The following ATXN7L2 variants were observed in gnomAD, a reference collection of about 807,000 sequenced individuals.
The protein encoded by ATXN7L2 is ataxin 7 like 2, also known as ataxin-7-like protein 2.
A neutral mutation model predicts 59.6 loss-of-function variants in ATXN7L2; 17 were observed. The ratio of observed to expected loss-of-function variants is 0.29; its 90% confidence interval spans 0.20 to 0.43. ATXN7L2 has a LOEUF of 0.43. ATXN7L2 is among the 20% of genes least tolerant of loss of function. The pLI is 1.00. For missense variants in ATXN7L2, 858 were observed against 1,008.9 expected (o/e 0.85, Z 2.03); for synonymous variants, 378 against 392.5 (o/e 0.96, Z 0.44).
chr1:109,484,141 G>A (rs1263308421), intron 1 of ATXN7L2, 61 bp downstream of exon 1: 3 of 1,307,514 alleles, frequency 2.3e-6, no homozygotes, highest in Non-Finnish European at 2.9e-6. Context: ...CCCCTTCCGG[G>A]CCCCCGCCAG....
chr1:109,490,379 A>G lies in ATXN7L2; in HGVS notation c.1441A>G (p.Thr481Ala). 6.2e-7 allele frequency: 1 copy of G among 1,613,328 alleles called. No homozygotes were observed. Among genetic ancestry groups the G allele is most frequent in the South Asian group, 1.1e-5 (1 of 91,088 alleles). ...LSSMLERHLSTHMWKKIPPAA... is the reference protein window; with the variant it reads ...LSSMLERHLSAHMWKKIPPAA... Reference sequence around the variant, plus strand: ...CTCCATGCTGGAACGGCACCTCAGCACACACATGTGGAAGTAAGTCTCTCG... The same window carrying G: ...CTCCATGCTGGAACGGCACCTCAGCGCACACATGTGGAAGTAAGTCTCTCG... Residue 481 changes from threonine to alanine, a missense_variant, in exon 9 of 11, where the codon ACA becomes GCA. This residue lies in a region of ATXN7L2 where 734 missense variants were observed against 862.3 expected (regional missense o/e 0.85). Coordinates refer to ENST00000683729, the MANE Select transcript of ATXN7L2 (RefSeq NM_001350175.2).
At chr1:109,490,814 G>A (rs1656990253) in intron 9 of ATXN7L2, 108 bp from the exon 10 acceptor site, 6 of 1,272,234 alleles carry the variant, frequency 4.7e-6, no homozygotes, top group Non-Finnish European at 1.1e-6. Flanking sequence ...CAACTCTGGG[G>A]CTCTGCTGAC....
intron 1 of ATXN7L2, 104 bp from the exon 2 acceptor site, chr1:109,485,953 G>T: frequency 1.4e-6 from 2 of 1,382,264 alleles, no homozygotes; most frequent in East Asian, 2.7e-5. Flanking sequence ...CTGGAAAGGG[G>T]ACAACCTCTG....
Position 109,490,927 on chromosome 1 carries a change from T to A in ATXN7L2, c.1460T>A (p.Ile487Asn). 6.5e-7 allele frequency: 1 copy of A among 1,548,950 alleles called. No individual in the cohort carries two copies. The highest frequency in any genetic ancestry group is 8.7e-7 in the Non-Finnish European group (1 of 1,147,308). ...RHLSTHMWKK[I>N]PPAAEPPAHL... ...GGGCTTTCTTTTTGCTGCAGGAAGA[T>A]CCCACCGGCAGCTGAACCTCCAGCT... The change falls in exon 10 of 11, where the codon ATC becomes AAC. Residue 487 changes from isoleucine (I) to asparagine (N), a missense_variant. Physicochemically the swap from Ile to Asn is moderately radical, Grantham distance 149 (BLOSUM62 -3). This residue lies in a region of ATXN7L2 where 734 missense variants were observed against 862.3 expected (regional missense o/e 0.85). Transcript: ENST00000683729.
chr1:109,492,449 C>A, intron 10 of ATXN7L2, 137 bp from the exon 11 acceptor site: 1 of 1,169,566 alleles, frequency 8.6e-7, no homozygotes, highest in Non-Finnish European at 1.2e-6. Flanking sequence ...CATTCATCTT[C>A]CCCCTTGCTC....
At chr1:109,485,949 A>G (rs1656554932) in intron 1 of ATXN7L2, 108 bp from the exon 2 acceptor site, 5 of 1,374,714 alleles carry the variant, frequency 3.6e-6, no homozygotes, top group Non-Finnish European at 4.7e-6. Context: ...GCTTCTGGAA[A>G]GGGGACAACC....
rs766504933 is a variant in ATXN7L2 at position 109,490,326 on chromosome 1, G to A, written c.1388G>A (p.Arg463Gln). 39 of 1,613,784 alleles carry A rather than the reference G, an allele frequency of 2.4e-5. No homozygotes were observed. Among genetic ancestry groups the A allele is most frequent in the South Asian group, 6.6e-5 (6 of 91,092 alleles). ...VSPGCYVFSR[R>Q]LDRFCSALSS... ...CCAGGATGCTATGTGTTTAGCCGCC[G>A]GCTGGACCGGTTCTGCTCAGCACTC... The change falls in exon 9 of 11, where the codon CGG becomes CAG. Residue 463 changes from arginine to glutamine, a missense_variant. This residue lies in a region of ATXN7L2 where 734 missense variants were observed against 862.3 expected (regional missense o/e 0.85). Coordinates refer to ENST00000683729, the MANE Select transcript of ATXN7L2 (RefSeq NM_001350175.2).
In ATXN7L2 at chr1:109,490,251, C is replaced by T. The variant is rs1486277324; in HGVS notation, c.1333-20C>T. ...TGCACCCCAGACCCTGCCAACCATGCACCTTCCTTCTGCCTTTAGTTCTGC... is the reference window on the plus strand; with the variant it reads ...TGCACCCCAGACCCTGCCAACCATGTACCTTCCTTCTGCCTTTAGTTCTGC... On this transcript the variant is annotated intron_variant, in intron 8 of 10. Transcript: ENST00000683729. The T allele has an allele frequency of 6.2e-7, 1 of 1,612,640 alleles. No homozygotes were observed. The highest frequency in any genetic ancestry group is 8.5e-7 in the Non-Finnish European group (1 of 1,179,470).
Position 109,491,921 on chromosome 1 carries a change from C to T in ATXN7L2, c.2250+204C>T. ...TTTGCCTGGTGAACCTTCCCCTATC[C>T]CTAACCCTTTCCCTTGGGCTGAGGA... On this transcript the variant is annotated intron_variant, in intron 10 of 10. Transcript: ENST00000683729. This position sits in a 1 kb window ranked among gnomAD's most constrained non-coding sequence, Gnocchi z 4.1. The T allele has an allele frequency of 1.6e-6, 2 of 1,219,832 alleles. No individual in the cohort carries two copies. 75.6% of individuals were successfully genotyped at this position (1,219,832 alleles called of 1,614,324 possible).
Position 109,484,055 on chromosome 1 carries a change from G to C in ATXN7L2, c.102G>C (p.Glu34Asp), listed in dbSNP as rs750201060. The change falls in exon 1 of 11, where the codon GAG becomes GAC. Residue 34 changes from glutamate to aspartate, a missense_variant. By Grantham distance (45) the Glu-to-Asp change is conservative. Coordinates refer to ENST00000683729, the MANE Select transcript of ATXN7L2 (RefSeq NM_001350175.2). ...FAGQSWSSWVERADLPAADGA... is the reference protein window; with the variant it reads ...FAGQSWSSWVDRADLPAADGA... ...GACAGAGCTGGAGCTCGTGGGTGGAGCGGGCCGACCTGCCCGCGGCTGACG... is the reference window on the plus strand; with the variant it reads ...GACAGAGCTGGAGCTCGTGGGTGGACCGGGCCGACCTGCCCGCGGCTGACG... 11 of 1,517,382 alleles carry C rather than the reference G, an allele frequency of 7.2e-6. No homozygotes were observed. Among genetic ancestry groups the C allele is most frequent in the Non-Finnish European group, 6.2e-6 (7 of 1,129,818 alleles). 94.0% of individuals were successfully genotyped at this position (1,517,382 alleles called of 1,614,324 possible).
At chr1:109,485,258 G>A (rs558952839) in intron 1 of ATXN7L2, 4 of 979,584 alleles carry the variant, frequency 4.1e-6, no homozygotes. Context: ...AGAGGAGGGA[G>A]GGGGGAGGAG....
rs759742862 is a variant in ATXN7L2, at chr1:109,491,765, G to C, written c.2250+48G>C. ...ATTGATGAGGGTGGGGCACACAGGG[G>C]GTACCTGATACAGAGAAGATGCTAC... On this transcript the variant is annotated intron_variant, in intron 10 of 10. Coordinates refer to ENST00000683729, the MANE Select transcript of ATXN7L2 (RefSeq NM_001350175.2). The surrounding 1 kb of genome is among the most constrained non-coding windows in gnomAD (Gnocchi z 4.1). The C allele has an allele frequency of 6.7e-7, 1 of 1,500,552 alleles. No homozygotes were observed. The highest frequency in any genetic ancestry group is 1.4e-5 in the African/African-American group (1 of 71,734). The allele number at this position is 1,500,552 out of a possible 1,614,324, so 93.0% of individuals were successfully genotyped here.
chr1:109,487,845 G>A, intron 5 of ATXN7L2, 41 bp downstream of exon 5: 1 of 1,549,714 alleles, frequency 6.5e-7, no homozygotes, highest in South Asian at 1.2e-5. Flanking sequence ...TGTAGAGTGG[G>A]GACTCCTTTG....
In ATXN7L2 at chr1:109,486,953, A is replaced by C; in HGVS notation, c.299-54A>C. 1 of 1,449,724 alleles carries C rather than the reference A, an allele frequency of 6.9e-7. No individual in the cohort carries two copies. Among genetic ancestry groups the C allele is most frequent in the East Asian group, 2.4e-5 (1 of 42,508 alleles). The allele number at this position is 1,449,724 out of a possible 1,614,324, so 89.8% of individuals were successfully genotyped here. ...GTCTATGGACATGGTTAGGTTGGGG[A>C]AGGAAGTGGTGATACCACTCACCTT... On this transcript the variant is annotated intron_variant, in intron 3 of 10. Coordinates refer to ENST00000683729, the MANE Select transcript of ATXN7L2 (RefSeq NM_001350175.2). This position sits in a 1 kb window ranked among gnomAD's most constrained non-coding sequence, Gnocchi z 4.3.
At chr1:109,484,215 C>T (rs373780424) in intron 1 of ATXN7L2, 135 bp downstream of exon 1, 68 of 975,348 alleles carry the variant, frequency 7.0e-5, no homozygotes, top group African/African-American at 6.8e-4. Context: ...AAGGACCCGC[C>T]GGGTCCTAGT....
At position 109,491,228 on chromosome 1, in the gene ATXN7L2, G is replaced by A; in HGVS notation, c.1761G>A (p.Lys587=). The A allele has an allele frequency of 6.2e-7, 1 of 1,614,206 alleles. No homozygotes were observed. ...FSKLPPSKAS[K]SSKGKDGVEV... is the part of the protein sequence containing the mutation. Reference sequence around the variant, plus strand: ...AGCTGCCGCCTTCCAAGGCCAGCAAGTCATCCAAAGGCAAGGACGGGGTGG... The same window carrying A: ...AGCTGCCGCCTTCCAAGGCCAGCAAATCATCCAAAGGCAAGGACGGGGTGG... The change falls in exon 10 of 11, where the codon AAG becomes AAA. Residue 587 remains lysine, a synonymous_variant. Coordinates refer to ENST00000683729, the MANE Select transcript of ATXN7L2 (RefSeq NM_001350175.2). The surrounding 1 kb of genome is among the most constrained non-coding windows in gnomAD (Gnocchi z 4.1).
At chr1:109,487,260 G>C (rs1201434406) in intron 4 of ATXN7L2, 43 bp downstream of exon 4, 1 of 1,454,564 alleles carries the variant, frequency 6.9e-7, no homozygotes, top group East Asian at 2.5e-5. Flanking sequence ...CCCTGACCCT[G>C]ACCCATGGAT....
At position 109,486,206 on chromosome 1, in the gene ATXN7L2, G is replaced by C; in HGVS notation, c.193+84G>C. 6.7e-7 allele frequency: 1 copy of C among 1,485,932 alleles called. No individual in the cohort carries two copies. Among genetic ancestry groups the C allele is most frequent in the Non-Finnish European group, 8.9e-7 (1 of 1,117,824 alleles). The allele number at this position is 1,485,932 out of a possible 1,614,324, so 92.0% of individuals were successfully genotyped here. A position where few individuals can be genotyped will look rare whatever the true frequency, so the allele number is the denominator to read the frequency against. On this transcript the variant is annotated intron_variant, in intron 2 of 10. Coordinates refer to ENST00000683729, the MANE Select transcript of ATXN7L2 (RefSeq NM_001350175.2). The surrounding 1 kb of genome is among the most constrained non-coding windows in gnomAD (Gnocchi z 4.3). Reference sequence around the variant, plus strand: ...TTCCACCACACTACAGAAGGAGGTGGCTGCTTGAAGCAGCTGTCTGGGGAC... The same window carrying C: ...TTCCACCACACTACAGAAGGAGGTGCCTGCTTGAAGCAGCTGTCTGGGGAC...
rs78485729 is a variant in ATXN7L2, at chr1:109,487,512, G to T, written c.510-6G>T. On this transcript the variant is annotated splice_polypyrimidine_tract_variant and splice_region_variant and intron_variant, in intron 4 of 10. Transcript: ENST00000683729. ...CCCTCAGCCAACCCCCTCTCTCTGT[G>T]TGTAGCCTTTTCGTGCCTGTGGTGA... The T allele has an allele frequency of 4.0e-6, 6 of 1,501,110 alleles. No homozygotes were observed. Among genetic ancestry groups the T allele is most frequent in the Admixed American group, 4.6e-5 (2 of 43,214 alleles). 93.0% of individuals were successfully genotyped at this position (1,501,110 alleles called of 1,614,324 possible).
Sources: gnomAD v4.1 joint callset for allele counts on GRCh38, gnomAD v4.1.1 for gene constraint, gnomAD v4.1.1 regional missense constraint, Gnocchi (gnomAD v3.1) non-coding constraint, MANE v1.5 for transcripts, NCBI Gene and HGNC (gene_info 2026-07-23, HGNC 2026-07-21) for gene names.